Variants in STK39 observed in about 807,000 individuals in gnomAD.
The protein encoded by STK39 is STE20/SPS1-related proline-alanine-rich protein kinase.
A neutral mutation model predicts 77.8 loss-of-function variants in STK39; 20 were observed. That is an observed-to-expected ratio of 0.26 (90% CI 0.18 to 0.37). STK39 has a LOEUF of 0.37. Among genes scored for constraint, STK39 ranks in the 10% least tolerant of loss-of-function variants. The pLI, the probability that STK39 is intolerant of heterozygous loss-of-function variation, is 1.00. For synonymous variants in STK39, 246 were observed against 234.1 expected (o/e 1.05, Z -0.47); for missense variants, 479 against 656.5 (o/e 0.73, Z 2.95).
intron 1 of STK39, 104 bp downstream of exon 1, chr2:168,247,124 C>G (rs1278751588): frequency 2.7e-5 from 19 of 707,946 alleles, no homozygotes; most frequent in Non-Finnish European, 3.1e-5. Context: ...GCCGGCCTCT[C>G]TGCCTCCAGG....
chr2:167,963,151 T>A (rs1023503216), intron 17 of STK39, among the ~76,000 whole-genome samples: 1 of 152,054 alleles, frequency 6.6e-6, no homozygotes, highest in Non-Finnish European at 1.5e-5. Flanking sequence ...TTTGTGAAGA[T>A]GAGAGAATCC....
At chr2:168,023,549 A>G (rs901851925) in intron 14 of STK39, among the ~76,000 whole-genome samples, 4 of 152,198 alleles carry the variant, frequency 2.6e-5, no homozygotes, top group East Asian at 1.9e-4. Flanking sequence ...TGACAGAGTT[A>G]TTGCTCCTGG....
Position 168,075,310 on chromosome 2 carries a change from G to A in STK39, c.1090-79C>T, listed in dbSNP as rs75708299. ...ACTGGTGCTGCAACTTGGGTTATACGGCATACACACCAACCTGAAAATAAC... is the reference window on the plus strand; with the variant it reads ...ACTGGTGCTGCAACTTGGGTTATACAGCATACACACCAACCTGAAAATAAC... On this transcript the variant is annotated intron_variant, in intron 10 of 17. Coordinates refer to ENST00000355999, the MANE Select transcript of STK39 (RefSeq NM_013233.3). 6,521 of 1,582,598 alleles carry A rather than the reference G, an allele frequency of 4.1e-3. 231 individuals are homozygous for A. In the African/African-American group the frequency reaches 0.073, roughly 18 times the overall value.
intron 5 of STK39, among the ~76,000 whole-genome samples, chr2:168,149,812 A>G (rs1261239287): frequency 6.6e-6 from 1 of 152,266 alleles, no homozygotes; most frequent in Non-Finnish European, 1.5e-5. Context: ...GAGGCATCTC[A>G]AGGGGGAAGA....
intron 16 of STK39, among the ~76,000 whole-genome samples, chr2:167,982,067 A>G (rs1683433612): frequency 6.6e-6 from 1 of 152,230 alleles, no homozygotes; most frequent in Non-Finnish European, 1.5e-5. Context: ...TCATTGTGAA[A>G]TGAGAGGTTA....
chr2:168,184,895 T>A (rs1183793840), intron 1 of STK39, among the ~76,000 whole-genome samples: 1 of 152,152 alleles, frequency 6.6e-6, no homozygotes, highest in Non-Finnish European at 1.5e-5. Context: ...TTAGAGTAAA[T>A]CCATGCTTTG....
intron 16 of STK39, among the ~76,000 whole-genome samples, chr2:167,986,255 G>A (rs569071044): frequency 2.0e-5 from 3 of 152,232 alleles, no homozygotes; most frequent in African/African-American, 4.8e-5. Context: ...TTGAAAGAAC[G>A]ACAGGAGAAA....
intron 10 of STK39, among the ~76,000 whole-genome samples, chr2:168,126,577 C>T (rs577691852): frequency 6.6e-6 from 1 of 152,146 alleles, no homozygotes; most frequent in African/African-American, 2.4e-5. Context: ...AGACTACCCA[C>T]TATTAACAGG....
intron 1 of STK39, among the ~76,000 whole-genome samples, chr2:168,234,643 A>G (rs748197046): frequency 3.9e-5 from 6 of 152,208 alleles, no homozygotes; most frequent in Non-Finnish European, 7.3e-5. Context: ...AAAGATTAAA[A>G]ACATAATCTA....
intron 16 of STK39, among the ~76,000 whole-genome samples, chr2:167,982,195 CTATT>C (rs1298491360): frequency 3.3e-5 from 5 of 152,154 alleles, no homozygotes; most frequent in Non-Finnish European, 7.3e-5. Flanking sequence ...AAGTCTACAA[CTATT>C]TATTTATTTT....
intron 1 of STK39, among the ~76,000 whole-genome samples, chr2:168,228,309 C>T (rs1690359482): frequency 6.6e-6 from 1 of 152,058 alleles, no homozygotes; most frequent in African/African-American, 2.4e-5. Context: ...AAAAGGTAGA[C>T]ATTTCTAAAA....
Position 167,960,553 on chromosome 2 carries a change from G to C in STK39, c.1563+4109C>G, listed in dbSNP as rs148629120. On this transcript the variant is annotated intron_variant, in intron 17 of 17. Coordinates refer to ENST00000355999, the MANE Select transcript of STK39 (RefSeq NM_013233.3). Reference sequence around the variant, plus strand: ...CCAAAGGAAAATGTATACATTATCAGGGACCTAATGTGACAGCGTATGACA... The same window carrying C: ...CCAAAGGAAAATGTATACATTATCACGGACCTAATGTGACAGCGTATGACA... 2.6e-3 allele frequency among the ~76,000 whole-genome samples: 397 copies of C among 152,254 alleles called. 3 individuals are homozygous for C. Among genetic ancestry groups the C allele is most frequent in the African/African-American group, 8.9e-3 (368 of 41,548 alleles).
chr2:168,038,596 T>TGATAAAAC (rs1035832906), intron 14 of STK39, among the ~76,000 whole-genome samples: 32 of 152,076 alleles, frequency 2.1e-4, no homozygotes, highest in Admixed American at 2.6e-4. Flanking sequence ...ATTTAAAACT[T>TGATAAAAC]TTGTTCTTTA....
chr2:167,969,825 C>T (rs1692280473), intron 16 of STK39, among the ~76,000 whole-genome samples: 1 of 152,184 alleles, frequency 6.6e-6, no homozygotes, highest in Non-Finnish European at 1.5e-5. Flanking sequence ...TGTAGGCAGA[C>T]CATGTTACTT....
chr2:168,182,335 T>G (rs1689101900), intron 1 of STK39, among the ~76,000 whole-genome samples: 1 of 152,148 alleles, frequency 6.6e-6, no homozygotes, highest in South Asian at 2.1e-4. Flanking sequence ...GACATGAGCA[T>G]CTACATACAA....
chr2:168,184,281 C>T (rs1178464475), intron 1 of STK39, among the ~76,000 whole-genome samples: 1 of 152,144 alleles, frequency 6.6e-6, no homozygotes, highest in African/African-American at 2.4e-5. Context: ...TTTATTAAAG[C>T]TTTACAGCTA....
chr2:168,042,352 C>T (rs1005723871), intron 14 of STK39, among the ~76,000 whole-genome samples: 14 of 152,114 alleles, frequency 9.2e-5, no homozygotes, highest in Admixed American at 2.0e-4. Context: ...TCTCTCTGTC[C>T]ATCTCTCTAC....
chr2:168,242,591 ATATAT>A, intron 1 of STK39, among the ~76,000 whole-genome samples: 1 of 131,060 alleles, frequency 7.6e-6, no homozygotes, highest in African/African-American at 2.9e-5. Flanking sequence ...ATATATATAT[ATATAT>A]AAAGAGGCCA....
intron 10 of STK39, among the ~76,000 whole-genome samples, chr2:168,118,150 G>C (rs1687306246): frequency 6.6e-6 from 1 of 151,914 alleles, no homozygotes; most frequent in African/African-American, 2.4e-5. Flanking sequence ...TGGACAGATG[G>C]AGGAGGAGGA....
Sources: allele counts gnomAD v4.1 joint callset (sites outside exome capture counted in the v4.1 genomes callset), GRCh38; gene constraint gnomAD v4.1.1; transcripts MANE v1.5; gene names NCBI Gene and HGNC (gene_info 2026-07-23, HGNC 2026-07-21).